Variants in MACROD2 observed in about 807,000 individuals in gnomAD.
The protein encoded by MACROD2 is ADP-ribose glycohydrolase MACROD2.
MACROD2 carries 36 observed loss-of-function variants against 70.4 expected under a neutral mutation model. The ratio of observed to expected loss-of-function variants is 0.51; its 90% CI spans 0.39 to 0.68. The LOEUF is 0.68. Ranked by LOEUF, MACROD2 falls within the 30% of genes least tolerant of loss-of-function variation. The pLI is 0.00. For missense variants in MACROD2, 496 were observed against 538.4 expected (o/e 0.92, Z 0.78); for synonymous variants, 172 against 178.8 (o/e 0.96, Z 0.30).
At chr20:14,439,433 C>T (rs1289324326) in intron 3 of MACROD2, among the ~76,000 whole-genome samples, 2 of 152,168 alleles carry the variant, frequency 1.3e-5, no homozygotes, top group East Asian at 3.9e-4. Flanking sequence ...TTCTAAAAAC[C>T]ACACTGAGTT....
At chr20:15,180,710 C>T (rs1185942760) in intron 5 of MACROD2, among the ~76,000 whole-genome samples, 1 of 152,212 alleles carries the variant, frequency 6.6e-6, no homozygotes, top group Non-Finnish European at 1.5e-5. Flanking sequence ...AGACTGGTGT[C>T]AAACTCCTGA....
intron 5 of MACROD2, among the ~76,000 whole-genome samples, chr20:14,806,324 C>T (rs953212392): frequency 5.9e-5 from 9 of 152,042 alleles, no homozygotes; most frequent in African/African-American, 1.2e-4. Context: ...CAGGGTGGGG[C>T]GTTGCCTCAC....
intron 5 of MACROD2, among the ~76,000 whole-genome samples, chr20:14,829,747 A>T (rs1026196126): frequency 1.1e-4 from 16 of 152,130 alleles, no homozygotes; most frequent in Non-Finnish European, 2.1e-4. Flanking sequence ...TTTGTGACCA[A>T]CATTATTTTT....
At chr20:15,368,359 T>C (rs1381621141) in intron 6 of MACROD2, among the ~76,000 whole-genome samples, 1 of 152,016 alleles carries the variant, frequency 6.6e-6, no homozygotes, top group Non-Finnish European at 1.5e-5. Context: ...AGAAGTTCCT[T>C]AGGGGAGAGA....
At chr20:13,999,329 T>G (rs2052702961) in intron 1 of MACROD2, among the ~76,000 whole-genome samples, 1 of 152,196 alleles carries the variant, frequency 6.6e-6, no homozygotes, top group Admixed American at 6.5e-5. Flanking sequence ...TGCTCAGTCC[T>G]TCATTGTCTT....
intron 7 of MACROD2, among the ~76,000 whole-genome samples, chr20:15,479,332 G>A (rs1396623574): frequency 1.4e-5 from 2 of 144,138 alleles, no homozygotes; most frequent in Non-Finnish European, 3.0e-5. Context: ...GAGTGCAGTG[G>A]CGGGATCTCG....
intron 5 of MACROD2, among the ~76,000 whole-genome samples, chr20:15,111,497 T>A (rs990321432): frequency 6.6e-6 from 1 of 152,174 alleles, no homozygotes; most frequent in Non-Finnish European, 1.5e-5. Context: ...TTATTATTTT[T>A]AAATATAGTA....
intron 5 of MACROD2, among the ~76,000 whole-genome samples, chr20:14,960,283 C>T (rs112876037): frequency 7.9e-5 from 12 of 152,294 alleles, no homozygotes; most frequent in African/African-American, 2.4e-4. Context: ...TGAGCATCAT[C>T]GGAGCTACCA....
At chr20:15,429,008 G>T (rs1380923151) in intron 6 of MACROD2, among the ~76,000 whole-genome samples, 1 of 152,072 alleles carries the variant, frequency 6.6e-6, no homozygotes, top group Non-Finnish European at 1.5e-5. Flanking sequence ...CTACTTAAAA[G>T]GTACAGTGGA....
chr20:14,525,004 C>A (rs1005294969), intron 4 of MACROD2, among the ~76,000 whole-genome samples: 3 of 152,082 alleles, frequency 2.0e-5, no homozygotes, highest in Non-Finnish European at 4.4e-5. Flanking sequence ...ATTTTCTTAT[C>A]TTTATGTTGA....
chr20:14,444,539 A>C (rs561288593), intron 3 of MACROD2, among the ~76,000 whole-genome samples: 37 of 151,956 alleles, frequency 2.4e-4, no homozygotes, highest in African/African-American at 8.7e-4. Context: ...TTCTGACTAC[A>C]TTCACTCCCT....
At chr20:15,819,318 TATATAA>T (rs1365671024) in intron 8 of MACROD2, among the ~76,000 whole-genome samples, 2 of 141,998 alleles carry the variant, frequency 1.4e-5, no homozygotes, top group East Asian at 3.9e-4. Context: ...TATATACTTA[TATATAA>T]ATATAAATAT....
intron 2 of MACROD2, among the ~76,000 whole-genome samples, chr20:14,007,804 TCTGA>T (rs1374138519): frequency 2.0e-5 from 3 of 152,222 alleles, no homozygotes; most frequent in African/African-American, 7.2e-5. Flanking sequence ...GCTAATTTTC[TCTGA>T]CTGGTTAGTA....
At chr20:14,237,770 A>G (rs1396962286) in intron 3 of MACROD2, among the ~76,000 whole-genome samples, 1 of 133,390 alleles carries the variant, frequency 7.5e-6, no homozygotes, top group Non-Finnish European at 1.5e-5. Context: ...TTCAATTCCC[A>G]CCTATGAGTG....
intron 3 of MACROD2, chr20:14,325,791 C>T: frequency 6.2e-7 from 1 of 1,613,904 alleles, no homozygotes; most frequent in Non-Finnish European, 8.5e-7. Context: ...CATAGTCATC[C>T]TTTCTTCTCC....
intron 5 of MACROD2, among the ~76,000 whole-genome samples, chr20:14,717,828 T>A (rs944209416): frequency 2.8e-4 from 42 of 152,130 alleles, no homozygotes; most frequent in Admixed American, 2.8e-3. Context: ...TTTGACCTTC[T>A]GGAAGTGACT....
At chr20:15,632,103 C>T (rs1600691892) in intron 8 of MACROD2, among the ~76,000 whole-genome samples, 1 of 151,852 alleles carries the variant, frequency 6.6e-6, no homozygotes, top group African/African-American at 2.4e-5. Flanking sequence ...CGTGCCATTG[C>T]ACTCCAGCCT....
intron 4 of MACROD2, among the ~76,000 whole-genome samples, chr20:14,497,557 C>G (rs547500977): frequency 1.3e-5 from 2 of 151,442 alleles, no homozygotes; most frequent in East Asian, 3.9e-4. Context: ...TTTTCATTGA[C>G]GTAATAGTTA....
chr20:15,557,855 A>G (rs1411704238), intron 8 of MACROD2, among the ~76,000 whole-genome samples: 2 of 152,100 alleles, frequency 1.3e-5, no homozygotes, highest in African/African-American at 4.8e-5. Flanking sequence ...AATCTGGCAC[A>G]TTTTGCTCCT....
Sources: gnomAD v4.1 joint callset for allele counts (sites outside exome capture counted in the v4.1 genomes callset) on GRCh38, gnomAD v4.1.1 for gene constraint, MANE v1.5 for transcripts, NCBI Gene and HGNC (gene_info 2026-07-23, HGNC 2026-07-21) for gene names.